Variants in ROBO2 observed in about 807,000 individuals in gnomAD.
ROBO2 encodes roundabout guidance receptor 2.
Under a neutral mutation model 160.8 loss-of-function variants are expected in ROBO2, and 53 were observed. The observed-to-expected ratio is 0.33, with a 90% confidence interval of 0.26 to 0.41. ROBO2 has a LOEUF of 0.41. Among genes scored for constraint, ROBO2 ranks in the 10% least tolerant of loss-of-function variants. ROBO2 has a pLI of 1.00. For synonymous variants in ROBO2, 664 were observed against 611.7 expected (o/e 1.09, Z -1.26); for missense variants, 1,577 against 1,722.4 (o/e 0.92, Z 1.49).
chr3:76,389,934 T>G (rs1448284766), intron 2 of ROBO2, among the ~76,000 whole-genome samples: 1 of 152,326 alleles, frequency 6.6e-6, no homozygotes, highest in African/African-American at 2.4e-5. Flanking sequence ...TATCTGTAGC[T>G]TATTGTTTTC....
chr3:77,645,363 T>C (rs2095402544), intron 25 of ROBO2, among the ~76,000 whole-genome samples: 1 of 152,188 alleles, frequency 6.6e-6, no homozygotes, highest in Non-Finnish European at 1.5e-5. Context: ...TTAATTAAAT[T>C]GTAATGTTTT....
At chr3:77,398,941 T>G (rs1361579363) in intron 2 of ROBO2, among the ~76,000 whole-genome samples, 1 of 152,064 alleles carries the variant, frequency 6.6e-6, no homozygotes, top group African/African-American at 2.4e-5. Flanking sequence ...TAGCCTGGAG[T>G]TAATAGAAGT....
At chr3:77,314,608 G>A (rs2063814146) in intron 2 of ROBO2, among the ~76,000 whole-genome samples, 2 of 152,154 alleles carry the variant, frequency 1.3e-5, no homozygotes, top group Non-Finnish European at 2.9e-5. Flanking sequence ...TGTTTTGCAT[G>A]TCATTTTACA....
chr3:76,831,312 T>C (rs1300321244), intron 2 of ROBO2, among the ~76,000 whole-genome samples: 1 of 152,188 alleles, frequency 6.6e-6, no homozygotes, highest in Non-Finnish European at 1.5e-5. Flanking sequence ...TATGCGATTT[T>C]GTAATATGGT....
At chr3:76,752,779 C>T (rs1158554886) in intron 2 of ROBO2, among the ~76,000 whole-genome samples, 3 of 151,212 alleles carry the variant, frequency 2.0e-5, no homozygotes, top group African/African-American at 4.9e-5. Flanking sequence ...TGCTAATTTG[C>T]ACTCAGAATC....
chr3:76,212,272 T>A (rs893252528), intron 2 of ROBO2, among the ~76,000 whole-genome samples: 19 of 151,958 alleles, frequency 1.3e-4, no homozygotes, highest in Non-Finnish European at 2.6e-4. Context: ...ACATGGTCCT[T>A]CCTGAAGAGC....
intron 5 of ROBO2, among the ~76,000 whole-genome samples, chr3:77,510,325 G>A (rs960906124): frequency 6.6e-6 from 1 of 152,044 alleles, no homozygotes; most frequent in Non-Finnish European, 1.5e-5. Flanking sequence ...CGACATCTAA[G>A]CAGGGTAGAG....
intron 2 of ROBO2, among the ~76,000 whole-genome samples, chr3:77,207,968 C>A (rs1486352530): frequency 6.6e-6 from 1 of 152,182 alleles, no homozygotes; most frequent in Non-Finnish European, 1.5e-5. Context: ...GATTCGCTCC[C>A]ACTGTGGGAA....
At chr3:77,558,546 T>G (rs758305554) in intron 9 of ROBO2, among the ~76,000 whole-genome samples, 1 of 151,762 alleles carries the variant, frequency 6.6e-6, no homozygotes, top group African/African-American at 2.4e-5. Flanking sequence ...GGCCAAAGAG[T>G]TGAGTAGAAG....
chr3:76,330,391 T>C (rs1559775293), intron 2 of ROBO2, among the ~76,000 whole-genome samples: 1 of 152,348 alleles, frequency 6.6e-6, no homozygotes, highest in South Asian at 2.1e-4. Context: ...AGTGTAATTA[T>C]CATGCCTGCA....
chr3:76,391,761 G>T (rs557397808), intron 2 of ROBO2, among the ~76,000 whole-genome samples: 2 of 152,106 alleles, frequency 1.3e-5, no homozygotes, highest in Admixed American at 1.3e-4. Context: ...TGCCCGTCTC[G>T]ACCTCCCAAA....
chr3:77,587,467 T>G (rs1052597791), intron 16 of ROBO2, among the ~76,000 whole-genome samples: 1 of 152,068 alleles, frequency 6.6e-6, no homozygotes, highest in Admixed American at 6.6e-5. Flanking sequence ...GACACTGAGG[T>G]TGACTGAGAA....
At chr3:76,328,908 T>TTTTATATA (rs1370335347) in intron 2 of ROBO2, among the ~76,000 whole-genome samples, 2 of 136,024 alleles carry the variant, frequency 1.5e-5, no homozygotes, top group East Asian at 4.1e-4. Flanking sequence ...ATTTATGTTA[T>TTTTATATA]TATATATATA....
intron 2 of ROBO2, among the ~76,000 whole-genome samples, chr3:76,024,515 C>T (rs183240453): frequency 6.6e-6 from 1 of 151,268 alleles, no homozygotes; most frequent in East Asian, 1.9e-4. Flanking sequence ...TGTGGTTTAC[C>T]TGCTAATTTA....
chr3:77,237,933 C>G (rs1192899940), intron 2 of ROBO2, among the ~76,000 whole-genome samples: 1 of 152,162 alleles, frequency 6.6e-6, no homozygotes, highest in African/African-American at 2.4e-5. Context: ...TTTGCCCAGT[C>G]TAATAGATGT....
At chr3:76,972,066 C>A (rs2059596739) in intron 2 of ROBO2, among the ~76,000 whole-genome samples, 1 of 152,048 alleles carries the variant, frequency 6.6e-6, no homozygotes, top group Non-Finnish European at 1.5e-5. Flanking sequence ...TGGTATTTTT[C>A]TTTTTTCAGT....
intron 2 of ROBO2, among the ~76,000 whole-genome samples, chr3:76,108,472 A>AT (rs1327260797): frequency 3.9e-5 from 6 of 151,902 alleles, no homozygotes; most frequent in Admixed American, 1.3e-4. Flanking sequence ...CATATCAACT[A>AT]TTTTTTGTTT....
chr3:75,926,137 G>T (rs2106884298), intron 1 of ROBO2, among the ~76,000 whole-genome samples: 1 of 152,222 alleles, frequency 6.6e-6, no homozygotes, highest in Admixed American at 6.5e-5. Context: ...GTTTTGCTAG[G>T]AAGGCCCTAA....
At chr3:76,711,580 C>T (rs1312225129) in intron 2 of ROBO2, among the ~76,000 whole-genome samples, 1 of 152,180 alleles carries the variant, frequency 6.6e-6, no homozygotes, top group East Asian at 1.9e-4. Context: ...CACACATCTA[C>T]ATTAAGCACC....
Sources: allele counts gnomAD v4.1 joint callset (sites outside exome capture counted in the v4.1 genomes callset), GRCh38; gene constraint gnomAD v4.1.1; transcripts MANE v1.5; gene names NCBI Gene and HGNC (gene_info 2026-07-23, HGNC 2026-07-21).